Variants in TNPO2 observed in about 807,000 individuals in gnomAD.
TNPO2 encodes transportin 2.
In TNPO2, 16 loss-of-function variants were observed where a neutral mutation model predicts 111.1. The observed-to-expected ratio is 0.14, with a 90% CI of 0.10 to 0.22. The LOEUF (loss-of-function observed/expected upper bound fraction) is 0.22. TNPO2 is among the 10% of genes least tolerant of loss of function. The pLI is 1.00. For synonymous variants in TNPO2, 481 were observed against 475.8 expected (o/e 1.01, Z -0.14); for missense variants, 530 against 1,173.7 (o/e 0.45, Z 8.01).
chr19:12,699,699 G>A lies in TNPO2; in HGVS notation c.*1565C>T, dbSNP rs941871213. The A allele has an allele frequency of 2.0e-5, 3 of 150,458 alleles. No homozygotes were observed. Among genetic ancestry groups the A allele is most frequent in the Non-Finnish European group, 3.0e-5 (2 of 67,744 alleles). 9.3% of individuals were successfully genotyped at this position (150,458 alleles called of 1,614,324 possible). ...ACAAATGGCTTCCAGAGACCTGCTC[G>A]AGTTTCATGGGGTGGGCGTGCAGGG... On this transcript the variant is annotated 3_prime_UTR_variant, in exon 26 of 26. Coordinates refer to ENST00000425528, the MANE Select transcript of TNPO2 (RefSeq NM_001382241.1).
In TNPO2 at chr19:12,699,320, GA is replaced by G; in HGVS notation, c.*1943del. On this transcript the variant is annotated 3_prime_UTR_variant, in exon 26 of 26. Transcript: ENST00000425528. ...GGACAGACCCGGGAGCCCGCAGGGG[GA>G]AGAGGGTGAGGAGGGAAAGAGGGAC... 1 of 428,702 alleles carries G rather than the reference GA, an allele frequency of 2.3e-6. No homozygotes were observed. Among genetic ancestry groups the G allele is most frequent in the Non-Finnish European group, 4.7e-6 (1 of 213,052 alleles). 26.6% of individuals were successfully genotyped at this position (428,702 alleles called of 1,614,324 possible). A position where few individuals can be genotyped will look rare whatever the true frequency, so the allele number is the denominator to read the frequency against.
chr19:12,704,784 G>A (rs2025539490), intron 18 of TNPO2, among the ~76,000 whole-genome samples: 1 of 151,952 alleles, frequency 6.6e-6, no homozygotes, highest in Admixed American at 6.6e-5. Context: ...CTGGGTTCAA[G>A]CAATTCTCCT....
chr19:12,711,361 C>T lies in TNPO2; in HGVS notation c.1052G>A (p.Arg351Gln), dbSNP rs374385228. ...RTVTLPHEAERPDGSEDAEDD... is the reference protein window; with the variant it reads ...RTVTLPHEAEQPDGSEDAEDD... ...CTCCGCGTCCTCGGAGCCATCAGGC[C>T]GCTCAGCCTCGTGGGGCAGTGTGAC... Residue 351 changes from arginine (R) to glutamine (Q), a missense_variant, in exon 12 of 26, where the codon CGG (arginine) becomes CAG (glutamine). Arg to Gln is a conservative substitution (Grantham distance 43). Around this residue, in one of 4 missense-constraint regions of TNPO2, gnomAD observed 88 missense variants for 130.2 expected, o/e 0.68. Transcript: ENST00000425528. 37 of 1,613,888 alleles carry T rather than the reference C, an allele frequency of 2.3e-5. No homozygotes were observed. Among genetic ancestry groups the T allele is most frequent in the East Asian group, 4.5e-5 (2 of 44,894 alleles).
At chr19:12,722,982 A>G (rs1198001884) in intron 2 of TNPO2, among the ~76,000 whole-genome samples, 2 of 152,160 alleles carry the variant, frequency 1.3e-5, no homozygotes, top group African/African-American at 2.4e-5. Flanking sequence ...ATCCAGAGGT[A>G]CTTGGGAGGA....
intron 9 of TNPO2, 47 bp from the exon 10 acceptor site, chr19:12,714,986 T>C (rs753399687): frequency 6.3e-7 from 1 of 1,592,046 alleles, no homozygotes; most frequent in South Asian, 1.1e-5. Context: ...TGGGGGTGGC[T>C]CCCTGACCCC....
intron 13 of TNPO2, among the ~76,000 whole-genome samples, chr19:12,707,725 G>A (rs1484750677): frequency 1.3e-5 from 2 of 151,904 alleles, no homozygotes; most frequent in Admixed American, 6.6e-5. Flanking sequence ...CCGACCTCAC[G>A]TGATCCCACC....
chr19:12,704,690 CT>C (rs1166169809), intron 18 of TNPO2, among the ~76,000 whole-genome samples: 2 of 150,720 alleles, frequency 1.3e-5, no homozygotes, highest in East Asian at 1.9e-4. Flanking sequence ...TCTTTTCTTT[CT>C]TTTTTTTTGA....
Position 12,705,452 on chromosome 19 carries a change from C to A in TNPO2, c.1863+40G>T. On this transcript the variant is annotated intron_variant, in intron 17 of 25. Transcript: ENST00000425528. The surrounding 1 kb of genome is among the most constrained non-coding windows in gnomAD (Gnocchi z 7.2). ...GTAAGTGGAGCAGGCCCGAGGCAGG[C>A]CAATGCAGAAGCACAGGTGACGGGC... 1 of 1,575,854 alleles carries A rather than the reference C, an allele frequency of 6.3e-7. No homozygotes were observed. The highest frequency in any genetic ancestry group is 8.6e-7 in the Non-Finnish European group (1 of 1,160,636).
At chr19:12,711,720 C>T in intron 10 of TNPO2, 107 bp from the exon 11 acceptor site, 1 of 888,720 alleles carries the variant, frequency 1.1e-6, no homozygotes, top group South Asian at 1.5e-5. Context: ...TGACCAGCCC[C>T]CCAATCAGCC....
chr19:12,711,898 T>C (rs2026072208), intron 10 of TNPO2, among the ~76,000 whole-genome samples: 1 of 151,046 alleles, frequency 6.6e-6, no homozygotes, highest in Non-Finnish European at 1.5e-5. Flanking sequence ...AAGCAGGGTC[T>C]AACCCTGTGG....
At chr19:12,722,561 TAAAAAAA>T (rs751028490) in intron 2 of TNPO2, 4 of 40,916 alleles carry the variant, frequency 9.8e-5, no homozygotes, top group East Asian at 1.6e-3. Context: ...GAGAGAGAAT[TAAAAAAA>T]AAAAAAAAAA....
rs1248130873 is a variant in TNPO2, at chr19:12,701,106, G to T, written c.*158C>A. 4.4e-6 allele frequency: 2 copies of T among 458,048 alleles called. No homozygotes were observed. The highest frequency in any genetic ancestry group is 7.8e-6 in the Non-Finnish European group (2 of 256,318). 28.4% of individuals were successfully genotyped at this position (458,048 alleles called of 1,614,324 possible). On this transcript the variant is annotated 3_prime_UTR_variant, in exon 26 of 26. Coordinates refer to ENST00000425528, the MANE Select transcript of TNPO2 (RefSeq NM_001382241.1). This position sits in a 1 kb window ranked among gnomAD's most constrained non-coding sequence, Gnocchi z 5.0. Reference sequence around the variant, plus strand: ...CAGGAGGGCAAGTGGACGGATGGACGGACGGACGGACGGACGGGGAAGGCA... The same window carrying T: ...CAGGAGGGCAAGTGGACGGATGGACTGACGGACGGACGGACGGGGAAGGCA...
chr19:12,715,740 C>T lies in TNPO2; in HGVS notation c.326-1G>A. 1 of 1,606,954 alleles carries T rather than the reference C, an allele frequency of 6.2e-7. No homozygotes were observed. The highest frequency in any genetic ancestry group is 1.1e-5 in the South Asian group (1 of 90,038). On this transcript the variant is annotated splice_acceptor_variant, in intron 5 of 25. Coordinates refer to ENST00000425528, the MANE Select transcript of TNPO2 (RefSeq NM_001382241.1). LOFTEE classifies it high-confidence loss of function. This position sits in a 1 kb window ranked among gnomAD's most constrained non-coding sequence, Gnocchi z 7.1. ...GAAGCGATGGTGGTGATGAGAATGC[C>T]TGGGGCGGCCGGGAAAGGACGCTGC...
Position 12,705,961 on chromosome 19 carries a change from C to T in TNPO2, c.1669-193G>A, listed in dbSNP as rs1020342923. The T allele has an allele frequency of 1.5e-5, 10 of 653,982 alleles. No individual in the cohort carries two copies. Among genetic ancestry groups the T allele is most frequent in the Non-Finnish European group, 2.6e-5 (10 of 387,844 alleles). The allele number at this position is 653,982 out of a possible 1,614,324, so 40.5% of individuals were successfully genotyped here. A position where few individuals can be genotyped will look rare whatever the true frequency, so the allele number is the denominator to read the frequency against. ...AAGCACCGCCCGCCCCACCCCACCC[C>T]CCGGGAGCCTGGGTTACCACCTCCT... is the stretch of plus-strand genomic sequence containing the variant. On this transcript the variant is annotated intron_variant, in intron 15 of 25. Coordinates refer to ENST00000425528, the MANE Select transcript of TNPO2 (RefSeq NM_001382241.1). The surrounding 1 kb of genome is among the most constrained non-coding windows in gnomAD (Gnocchi z 7.2).
intron 5 of TNPO2, among the ~76,000 whole-genome samples, chr19:12,718,817 C>T (rs1202292453): frequency 6.6e-6 from 1 of 152,214 alleles, no homozygotes; most frequent in African/African-American, 2.4e-5. Flanking sequence ...CAGAGCGTGG[C>T]CCTGCACTGC....
Position 12,715,968 on chromosome 19 carries a change from C to T in TNPO2, c.326-229G>A, listed in dbSNP as rs2026343831. 6.6e-6 allele frequency among the ~76,000 whole-genome samples: 1 copy of T among 152,110 alleles called. No homozygotes were observed. Among genetic ancestry groups the T allele is most frequent in the Non-Finnish European group, 1.5e-5 (1 of 68,006 alleles). On this transcript the variant is annotated intron_variant, in intron 5 of 25. Transcript: ENST00000425528. This position sits in a 1 kb window ranked among gnomAD's most constrained non-coding sequence, Gnocchi z 7.1. ...CACAGCAGCCTCAAACTCCTGGCCT[C>T]AAGCCATCTTCCTGCCTCAGCCTCC... is the stretch of plus-strand genomic sequence containing the variant.
At position 12,705,516 on chromosome 19, in the gene TNPO2, C is replaced by A; in HGVS notation, c.1839G>T (p.Val613=). The change falls in exon 17 of 26, where the codon GTG becomes GTT. Residue 613 remains valine, a synonymous_variant. Coordinates refer to ENST00000425528, the MANE Select transcript of TNPO2 (RefSeq NM_001382241.1). This position sits in a 1 kb window ranked among gnomAD's most constrained non-coding sequence, Gnocchi z 7.2. ...CCATGGCCTGAGCCAGTGTCTTCTG[C>A]ACCAGGGTGACACAGCGCTGGTAGA... ...EPVYQRCVTL[V]QKTLAQAMMY... 6.2e-7 allele frequency: 1 copy of A among 1,601,534 alleles called. No individual in the cohort carries two copies. Among genetic ancestry groups the A allele is most frequent in the Non-Finnish European group, 8.5e-7 (1 of 1,174,706 alleles).
Position 12,721,543 on chromosome 19 carries a change from G to A in TNPO2, c.-13-553C>T. 1 of 349,342 alleles carries A rather than the reference G, an allele frequency of 2.9e-6. No individual in the cohort carries two copies. Among genetic ancestry groups the A allele is most frequent in the Non-Finnish European group, 5.5e-6 (1 of 180,968 alleles). 21.6% of individuals were successfully genotyped at this position (349,342 alleles called of 1,614,324 possible). A position where few individuals can be genotyped will look rare whatever the true frequency, so the allele number is the denominator to read the frequency against. ...AGCTTCCCCAGATGCGCCCTCCCAAGACGATCGTCCTGATCTCTCCTGTCC... is the reference window on the plus strand; with the variant it reads ...AGCTTCCCCAGATGCGCCCTCCCAAAACGATCGTCCTGATCTCTCCTGTCC... On this transcript the variant is annotated intron_variant, in intron 2 of 25. Transcript: ENST00000425528. This position sits in a 1 kb window ranked among gnomAD's most constrained non-coding sequence, Gnocchi z 4.9.
intron 13 of TNPO2, among the ~76,000 whole-genome samples, chr19:12,710,073 A>G (rs1243927721): frequency 6.6e-6 from 1 of 152,026 alleles, no homozygotes; most frequent in African/African-American, 2.4e-5. Flanking sequence ...TCCCACCGGG[A>G]CCATGGGAGC....
Sources: gnomAD v4.1 joint callset for allele counts (sites outside exome capture counted in the v4.1 genomes callset) on GRCh38, gnomAD v4.1.1 for gene constraint, gnomAD v4.1.1 regional missense constraint, Gnocchi (gnomAD v3.1) non-coding constraint, MANE v1.5 for transcripts, NCBI Gene and HGNC (gene_info 2026-07-23, HGNC 2026-07-21) for gene names.